Variants in PHKA2 observed in about 807,000 individuals in gnomAD.
PHKA2 encodes the protein phosphorylase kinase regulatory subunit alpha 2.
Under a neutral mutation model 102.0 loss-of-function variants are expected in PHKA2, and 31 were observed. That is an observed-to-expected ratio of 0.30 (90% CI 0.23 to 0.41). PHKA2 has a LOEUF of 0.41. PHKA2 is among the 10% of genes least tolerant of loss of function. The pLI, the probability that PHKA2 is intolerant of heterozygous loss-of-function variation, is 1.00. For missense variants in PHKA2, 858 were observed against 1,023.1 expected, an observed-to-expected ratio of 0.84 and a Z score of 2.20; for synonymous variants, 455 against 416.2, an observed-to-expected ratio of 1.09 and a Z score of -1.13.
At chrX:18,960,793 G>A (rs966474754) in intron 1 of PHKA2, among the ~76,000 whole-genome samples, 6 of 111,961 alleles carry the variant, frequency 5.4e-5, no homozygotes, top group Non-Finnish European at 1.1e-4. Flanking sequence ...CGAACCATGA[G>A]GGTCAGTTCA....
At position 18,893,161 on chromosome X, in the gene PHKA2, T is replaced by C; in HGVS notation, c.*324A>G. The stretch of plus-strand genomic sequence containing the variant: ...GAGCCAATTTAAGCTGGCGTCTCAG[T>C]TCCCTCTGCACTCAAAAGAGACCAA... On this transcript the variant is annotated 3_prime_UTR_variant, in exon 33 of 33. Transcript: ENST00000379942. 1 of 328,875 alleles carries C rather than the reference T, an allele frequency of 3.0e-6. No individual in the cohort carries two copies. The highest frequency in any genetic ancestry group is 4.6e-5 in the Admixed American group (1 of 21,793). The allele number at this position is 328,875 out of a possible 1,213,427, so 27.1% of individuals were successfully genotyped here. A position where few individuals can be genotyped will look rare whatever the true frequency, so the allele number is the denominator to read the frequency against.
At chrX:18,944,783 A>T (rs2048551457) in intron 6 of PHKA2, among the ~76,000 whole-genome samples, 1 of 112,212 alleles carries the variant, frequency 8.9e-6, no homozygotes, top group Non-Finnish European at 1.9e-5. Flanking sequence ...AAGACTGGAC[A>T]TCACACGTGC....
intron 6 of PHKA2, among the ~76,000 whole-genome samples, chrX:18,944,240 A>C (rs1475932157): frequency 9.0e-6 from 1 of 111,715 alleles, no homozygotes; most frequent in African/African-American, 3.3e-5. Context: ...TGAATTAACA[A>C]GTTCATAACG....
rs773617526 is a variant in PHKA2 at position 18,894,007 on chromosome X, C to T, written c.3537+197G>A. On this transcript the variant is annotated intron_variant, in intron 32 of 32. Coordinates refer to ENST00000379942, the MANE Select transcript of PHKA2 (RefSeq NM_000292.3). Reference sequence around the variant, plus strand: ...GTTTGGACGAAAACCTGCATTGAGACAGGCCTATCCATCCCCAAAGGTCTT... The same window carrying T: ...GTTTGGACGAAAACCTGCATTGAGATAGGCCTATCCATCCCCAAAGGTCTT... 2.5e-5 allele frequency: 12 copies of T among 476,320 alleles called. No homozygotes were observed. In the East Asian group the frequency reaches 4.0e-4, roughly 16 times the overall value. The allele number at this position is 476,320 out of a possible 1,213,427, so 39.3% of individuals were successfully genotyped here.
intron 12 of PHKA2, among the ~76,000 whole-genome samples, chrX:18,930,994 C>T (rs1452588116): frequency 9.0e-6 from 1 of 111,624 alleles, no homozygotes; most frequent in East Asian, 2.8e-4. Context: ...CTCTCAGGAA[C>T]GACAGCCCAT....
chrX:18,930,653 G>A (rs1312745640), intron 12 of PHKA2, among the ~76,000 whole-genome samples: 20 of 111,427 alleles, frequency 1.8e-4, no homozygotes. Context: ...GAGAGACAGG[G>A]CTGGCTTTCA....
intron 11 of PHKA2, among the ~76,000 whole-genome samples, chrX:18,932,689 T>C (rs950410898): frequency 9.0e-6 from 1 of 111,428 alleles, no homozygotes; most frequent in Non-Finnish European, 1.9e-5. Context: ...AATGTCATAA[T>C]CTTTGGGTGG....
At chrX:18,924,272 A>G (rs1167380135) in intron 16 of PHKA2, 109 bp downstream of exon 16, 2 of 980,422 alleles carry the variant, frequency 2.0e-6, no homozygotes, top group South Asian at 1.9e-5. Flanking sequence ...CAAACTGCTA[A>G]GAAGCCCCTT....
At chrX:18,964,143 A>T (rs754480566) in intron 1 of PHKA2, among the ~76,000 whole-genome samples, 13 of 111,322 alleles carry the variant, frequency 1.2e-4, no homozygotes, top group Admixed American at 5.7e-4. Context: ...TGATCACCTG[A>T]CACTCCCTCC....
At position 18,938,579 on chromosome X, in the gene PHKA2, C is replaced by T. The variant is rs763759866; in HGVS notation, c.1041+48G>A. ...CTATGTTCTAATAATAATCAGTATA[C>T]CAGTGGAATGAAAATAATTATCAAC... is the stretch of plus-strand genomic sequence containing the variant. On this transcript the variant is annotated intron_variant, in intron 10 of 32. Coordinates refer to ENST00000379942, the MANE Select transcript of PHKA2 (RefSeq NM_000292.3). 8.0e-6 allele frequency: 9 copies of T among 1,125,067 alleles called. No homozygotes were observed. In the Admixed American group the frequency reaches 2.0e-4, roughly 25 times the overall value. 92.7% of individuals were successfully genotyped at this position (1,125,067 alleles called of 1,213,427 possible). A position where few individuals can be genotyped will look rare whatever the true frequency, so the allele number is the denominator to read the frequency against.
At chrX:18,958,484 A>T (rs1197635069) in intron 1 of PHKA2, among the ~76,000 whole-genome samples, 1 of 111,768 alleles carries the variant, frequency 8.9e-6, no homozygotes, top group Non-Finnish European at 1.9e-5. Context: ...TATACACTTT[A>T]AATTTTCATA....
intron 17 of PHKA2, among the ~76,000 whole-genome samples, chrX:18,922,242 G>A (rs1332675704): frequency 3.7e-5 from 4 of 107,443 alleles, no homozygotes; most frequent in Admixed American, 1.0e-4. Context: ...GTGAAACTCC[G>A]TTTCAAAAAA....
At position 18,983,886 on chromosome X, in the gene PHKA2, C is replaced by T; in HGVS notation, c.47G>A (p.Arg16Gln). The change falls in exon 1 of 33, where the codon CGG becomes CAG. Residue 16 changes from arginine to glutamine, a missense_variant. Coordinates refer to ENST00000379942, the MANE Select transcript of PHKA2 (RefSeq NM_000292.3). ...NSGVRLDGYA[R>Q]LVQQTILCYQ... ...ACACAGGATGGTTTGCTGCACCAGC[C>T]GCGCGTACCCGTCCAAGCGGACCCC... The T allele has an allele frequency of 8.3e-7, 1 of 1,211,562 alleles. No individual in the cohort carries two copies. Among genetic ancestry groups the T allele is most frequent in the South Asian group, 1.8e-5 (1 of 57,028 alleles).
intron 19 of PHKA2, 77 bp downstream of exon 19, chrX:18,918,604 T>C: frequency 9.9e-7 from 1 of 1,011,605 alleles, no homozygotes; most frequent in Admixed American, 2.2e-5. Context: ...TAGGATTCTT[T>C]GGCTTTTAAA....
chrX:18,906,378 C>T (rs943571233), intron 25 of PHKA2, 117 bp downstream of exon 25: 1 of 943,331 alleles, frequency 1.1e-6, no homozygotes, highest in African/African-American at 1.9e-5. Flanking sequence ...GAGCTTGCCA[C>T]AGGCTTGGAT....
At chrX:18,948,695 CT>C (rs2048627465) in intron 5 of PHKA2, 48 bp downstream of exon 5, 1 of 875,680 alleles carries the variant, frequency 1.1e-6, no homozygotes, top group Admixed American at 2.3e-5. Flanking sequence ...GATTTTTATT[CT>C]TTTTGTTGAC....
chrX:18,958,020 T>A (rs958510236), intron 1 of PHKA2, among the ~76,000 whole-genome samples: 1 of 109,949 alleles, frequency 9.1e-6, no homozygotes, highest in African/African-American at 3.3e-5. Flanking sequence ...ACACCATGCA[T>A]GGCTAATTTT....
chrX:18,973,615 T>A (rs1484401077), intron 1 of PHKA2, among the ~76,000 whole-genome samples: 1 of 112,124 alleles, frequency 8.9e-6, no homozygotes, highest in Non-Finnish European at 1.9e-5. Context: ...ATTGGCCATC[T>A]GAAAGGAGTT....
At chrX:18,961,501 T>G (rs1293489922) in intron 1 of PHKA2, among the ~76,000 whole-genome samples, 3 of 108,512 alleles carry the variant, frequency 2.8e-5, no homozygotes, top group Admixed American at 1.0e-4. Context: ...CTACTAAAAA[T>G]GCAAAAATTA....
Sources: gnomAD v4.1 joint callset for allele counts (sites outside exome capture counted in the v4.1 genomes callset) on GRCh38, gnomAD v4.1.1 for gene constraint, MANE v1.5 for transcripts, NCBI Gene and HGNC (gene_info 2026-07-23, HGNC 2026-07-21) for gene names.